Variants in JAKMIP2 observed in about 807,000 individuals in gnomAD.
The protein encoded by JAKMIP2 is janus kinase and microtubule interacting protein 2.
In JAKMIP2, 25 loss-of-function variants were observed where a neutral mutation model predicts 115.0. The ratio of observed to expected loss-of-function variants is 0.22; its 90% confidence interval spans 0.16 to 0.30. The LOEUF is 0.30. JAKMIP2 is among the 10% of genes least tolerant of loss of function. The pLI is 1.00. For missense variants in JAKMIP2, 642 were observed against 957.6 expected (o/e 0.67, Z 4.35); for synonymous variants, 334 against 343.6 (o/e 0.97, Z 0.31).
At position 147,645,047 on chromosome 5, in the gene JAKMIP2, G is replaced by C. The variant is rs749522209; in HGVS notation, c.937-51C>G. 1.2e-5 allele frequency: 19 copies of C among 1,586,908 alleles called. No individual in the cohort carries two copies. In the South Asian group the frequency reaches 2.2e-4, roughly 18 times the overall value. Reference sequence around the variant, plus strand: ...TGTCTTGCGTTTGGGGGACGTGGGGGCAGGGGAGTAAAGTGGTGGGAGTGA... The same window carrying C: ...TGTCTTGCGTTTGGGGGACGTGGGGCCAGGGGAGTAAAGTGGTGGGAGTGA... On this transcript the variant is annotated intron_variant, in intron 5 of 21. Coordinates refer to ENST00000616793, the MANE Select transcript of JAKMIP2 (RefSeq NM_001270941.2).
intron 1 of JAKMIP2, among the ~76,000 whole-genome samples, chr5:147,758,120 T>G (rs1754812323): frequency 6.6e-6 from 1 of 152,120 alleles, no homozygotes. Flanking sequence ...TTAGTAAAGA[T>G]TCAGAAAAAT....
intron 1 of JAKMIP2, among the ~76,000 whole-genome samples, chr5:147,766,322 CT>C (rs1056474648): frequency 1.3e-5 from 2 of 152,106 alleles, no homozygotes; most frequent in African/African-American, 4.8e-5. Flanking sequence ...AGAGACTTTT[CT>C]GTAGAATTTT....
At chr5:147,678,854 A>G (rs1345718663) in intron 1 of JAKMIP2, among the ~76,000 whole-genome samples, 1 of 152,180 alleles carries the variant, frequency 6.6e-6, no homozygotes, top group African/African-American at 2.4e-5. Flanking sequence ...GAAGAAAAAA[A>G]TGTGATGAAT....
At chr5:147,650,314 T>A in intron 4 of JAKMIP2, 24 bp downstream of exon 4, 1 of 1,467,860 alleles carries the variant, frequency 6.8e-7, no homozygotes, top group Non-Finnish European at 9.6e-7. Flanking sequence ...TGTGCATTCT[T>A]AACTTCAACT....
At chr5:147,698,154 G>A (rs1752180192) in intron 1 of JAKMIP2, among the ~76,000 whole-genome samples, 1 of 152,152 alleles carries the variant, frequency 6.6e-6, no homozygotes, top group African/African-American at 2.4e-5. Flanking sequence ...AGATCATTTG[G>A]AAACTTTAGG....
In JAKMIP2 at chr5:147,759,542, C is replaced by T. The variant is rs551320832; in HGVS notation, c.-149+22914G>A. Among the ~76,000 whole-genome samples the T allele has an allele frequency of 2.6e-5, 4 of 152,102 alleles. 1 individual carries two copies. Among genetic ancestry groups the T allele is most frequent in the African/African-American group, 9.6e-5 (4 of 41,526 alleles). On this transcript the variant is annotated intron_variant, in intron 1 of 21. Transcript: ENST00000616793. ...ACAAACCAACAACTGAATAAAATAC[C>T]AATCAATGATAAGTGTAATATAGGT...
chr5:147,691,325 G>C (rs1036551641), intron 1 of JAKMIP2, among the ~76,000 whole-genome samples: 2 of 152,038 alleles, frequency 1.3e-5, no homozygotes, highest in African/African-American at 4.8e-5. Context: ...ACACAGACTG[G>C]GGAATGCTAT....
intron 1 of JAKMIP2, among the ~76,000 whole-genome samples, chr5:147,677,795 T>G (rs1160923461): frequency 6.6e-6 from 1 of 152,228 alleles, no homozygotes; most frequent in Non-Finnish European, 1.5e-5. Context: ...CAAATTATCA[T>G]ATGCATTAAC....
intron 1 of JAKMIP2, among the ~76,000 whole-genome samples, chr5:147,681,820 T>C (rs1760296402): frequency 6.6e-6 from 1 of 151,938 alleles, no homozygotes; most frequent in African/African-American, 2.4e-5. Context: ...GGCAGGTGGA[T>C]CGCTTGAGTC....
At chr5:147,685,018 T>C (rs1488717490) in intron 1 of JAKMIP2, among the ~76,000 whole-genome samples, 2 of 152,216 alleles carry the variant, frequency 1.3e-5, no homozygotes, top group Non-Finnish European at 2.9e-5. Flanking sequence ...GCAGCAATTT[T>C]TGTGCATCCT....
At position 147,636,300 on chromosome 5, in the gene JAKMIP2, T is replaced by C. The variant is rs760573895; in HGVS notation, c.1615-16A>G. 2 of 1,610,316 alleles carry C rather than the reference T, an allele frequency of 1.2e-6. No homozygotes were observed. Among genetic ancestry groups the C allele is most frequent in the African/African-American group, 1.3e-5 (1 of 74,936 alleles). On this transcript the variant is annotated splice_polypyrimidine_tract_variant and intron_variant, in intron 11 of 21. Transcript: ENST00000616793. Reference sequence around the variant, plus strand: ...AGTGTGAATCCTGTTTGACAAAGAATATCGCGCAGTCAGCATTTCAGAGTG... The same window carrying C: ...AGTGTGAATCCTGTTTGACAAAGAACATCGCGCAGTCAGCATTTCAGAGTG...
In JAKMIP2 at chr5:147,623,611, T is replaced by C. The variant is rs773083635; in HGVS notation, c.2064+10A>G. On this transcript the variant is annotated intron_variant, in intron 17 of 21. Transcript: ENST00000616793. The stretch of plus-strand genomic sequence containing the variant: ...TTCTTAATTTTTACAATATCTCATC[T>C]TGTACTTACCATGTCACTTTCCAAT... 60 of 1,572,988 alleles carry C rather than the reference T, an allele frequency of 3.8e-5. No individual in the cohort carries two copies. Among genetic ancestry groups the C allele is most frequent in the Non-Finnish European group, 5.2e-5 (59 of 1,142,832 alleles).
intron 1 of JAKMIP2, among the ~76,000 whole-genome samples, chr5:147,700,374 T>G (rs998496462): frequency 1.3e-5 from 2 of 152,048 alleles, no homozygotes; most frequent in African/African-American, 4.8e-5. Context: ...TAAAGAGACA[T>G]TTAGTGAACT....
chr5:147,625,056 C>T (rs1475926531), intron 16 of JAKMIP2, among the ~76,000 whole-genome samples: 3 of 152,108 alleles, frequency 2.0e-5, no homozygotes, highest in Admixed American at 6.6e-5. Context: ...TCTTGGCTCA[C>T]TGCAACCTCC....
chr5:147,654,977 T>C (rs937806963), intron 3 of JAKMIP2, among the ~76,000 whole-genome samples: 2 of 152,216 alleles, frequency 1.3e-5, no homozygotes, highest in Non-Finnish European at 2.9e-5. Context: ...GTTTTGGTCA[T>C]TGGTTCTGTT....
rs1288331493 is a variant in JAKMIP2, at chr5:147,702,461, GGA to G, written c.-148-30509_-148-30508del. On this transcript the variant is annotated intron_variant, in intron 1 of 21. Coordinates refer to ENST00000616793, the MANE Select transcript of JAKMIP2 (RefSeq NM_001270941.2). ...AGGTAGGAAGGAAGGAAGGAAGGAA[GGA>G]AGGGAGGGAGGGAAGGAAGAGAAAA... is the stretch of plus-strand genomic sequence containing the variant. Among the ~76,000 whole-genome samples, 285 of 128,802 alleles carry G rather than the reference GGA, an allele frequency of 2.2e-3. 3 individuals carry two copies. Among genetic ancestry groups the G allele is most frequent in the African/African-American group, 8.1e-3 (243 of 30,026 alleles). The allele number at this position is 128,802 out of a possible 152,430, so 84.5% of individuals were successfully genotyped here.
intron 19 of JAKMIP2, among the ~76,000 whole-genome samples, chr5:147,615,771 C>T (rs113590863): frequency 0.012 from 1,892 of 151,570 alleles, 41 homozygotes; most frequent in African/African-American, 0.043. Context: ...GCAGGGTCCA[C>T]GGTGAATTCT....
At chr5:147,780,334 A>G (rs1339557011) in intron 1 of JAKMIP2, among the ~76,000 whole-genome samples, 27 of 152,190 alleles carry the variant, frequency 1.8e-4, no homozygotes, top group Non-Finnish European at 2.9e-4. Flanking sequence ...AACTGTACCA[A>G]CTTTGCCTAT....
chr5:147,614,801 C>T (rs1204405383), intron 19 of JAKMIP2, among the ~76,000 whole-genome samples: 13 of 152,206 alleles, frequency 8.5e-5, no homozygotes, highest in African/African-American at 1.4e-4. Context: ...TCTGGCTCTG[C>T]GTGCTCCTGA....
Sources: allele counts gnomAD v4.1 joint callset (sites outside exome capture counted in the v4.1 genomes callset), GRCh38; gene constraint gnomAD v4.1.1; transcripts MANE v1.5; gene names NCBI Gene and HGNC (gene_info 2026-07-23, HGNC 2026-07-21).